Variants in URGCP observed in about 807,000 individuals in gnomAD.
URGCP encodes up-regulator of cell proliferation.
In URGCP, 13 loss-of-function variants were observed where a neutral mutation model predicts 24.6. The observed-to-expected ratio is 0.53, with a 90% CI of 0.34 to 0.84. The LOEUF is 0.84. Among genes scored for constraint, URGCP ranks in the 40% least tolerant of loss-of-function variants. The probability of loss-of-function intolerance (pLI) is 0.01; values close to 1 mark genes in which losing one functional copy is unlikely to be tolerated. For synonymous variants in URGCP, 444 were observed against 487.2 expected (o/e 0.91, Z 1.17); for missense variants, 899 against 1,194.3 (o/e 0.75, Z 3.64).
At chr7:43,907,814 C>G (rs1386581415), upstream of URGCP, among the ~76,000 whole-genome samples, 1 of 152,226 alleles carries the variant, frequency 6.6e-6, no homozygotes, top group Non-Finnish European at 1.5e-5. Flanking sequence ...TGCATGGTCT[C>G]TTTTCCTCCT....
intron 1 of URGCP, among the ~76,000 whole-genome samples, chr7:43,924,707 G>A (rs2095926621): frequency 6.6e-6 from 1 of 152,158 alleles, no homozygotes; most frequent in African/African-American, 2.4e-5. Context: ...ATGCTGTGGT[G>A]ATGGAAACAC....
upstream of URGCP, among the ~76,000 whole-genome samples, chr7:43,911,246 C>T (rs1050139044): frequency 1.3e-5 from 2 of 151,744 alleles, no homozygotes; most frequent in African/African-American, 4.8e-5. Context: ...ACTAAAAATA[C>T]AAAAATTAGC....
At chr7:43,898,003 C>T (rs1418402364) in intron 1 of URGCP, among the ~76,000 whole-genome samples, 2 of 152,102 alleles carry the variant, frequency 1.3e-5, no homozygotes, top group African/African-American at 2.4e-5. Flanking sequence ...CAGACTGGCC[C>T]GAGACCCCTA....
upstream of URGCP, chr7:43,906,903 TCA>T (rs2132717998): frequency 5.0e-6 from 1 of 198,040 alleles, no homozygotes; most frequent in Non-Finnish European, 1.0e-5. Context: ...TTACTGAACT[TCA>T]CACCTTTCTG....
At chr7:43,911,315 T>A (rs564171813), upstream of URGCP, among the ~76,000 whole-genome samples, 1 of 151,952 alleles carries the variant, frequency 6.6e-6, no homozygotes, top group African/African-American at 2.4e-5. Flanking sequence ...GCAGGAGTAT[T>A]GTGTGAACCC....
At chr7:43,899,980 T>A (rs956294952) in intron 1 of URGCP, among the ~76,000 whole-genome samples, 2 of 151,302 alleles carry the variant, frequency 1.3e-5, no homozygotes, top group African/African-American at 4.9e-5. Context: ...ACAAAAAAAA[T>A]TTCTTAAAAT....
At chr7:43,897,401 A>T (rs936615484) in intron 1 of URGCP, among the ~76,000 whole-genome samples, 6 of 152,086 alleles carry the variant, frequency 3.9e-5, no homozygotes, top group Non-Finnish European at 8.8e-5. Context: ...TATGACTACC[A>T]GGGGAAGACT....
chr7:43,889,151 A>C (rs2095866558), intron 1 of URGCP: 1 of 152,238 alleles, frequency 6.6e-6, no homozygotes, highest in African/African-American at 2.4e-5. Context: ...TGCTCACATC[A>C]GAACATGAAA....
intron 3 of URGCP, among the ~76,000 whole-genome samples, chr7:43,885,223 C>A (rs2095860366): frequency 6.6e-6 from 1 of 152,030 alleles, no homozygotes; most frequent in Non-Finnish European, 1.5e-5. Flanking sequence ...GCCTCAACCT[C>A]CCGAGTAGCT....
intron 1 of URGCP, among the ~76,000 whole-genome samples, chr7:43,899,712 C>A (rs768177811): frequency 6.6e-6 from 1 of 152,080 alleles, no homozygotes; most frequent in Non-Finnish European, 1.5e-5. Flanking sequence ...GTATCTGGAA[C>A]TTATTCAATC....
chr7:43,918,772 G>A, intron 1 of URGCP: 2 of 892,362 alleles, frequency 2.2e-6, no homozygotes, highest in Non-Finnish European at 3.8e-6. Flanking sequence ...AAACAGCTGT[G>A]CACTGAGCAT....
chr7:43,916,726 A>G (rs940175083), intron 1 of URGCP, among the ~76,000 whole-genome samples: 2 of 13,660 alleles, frequency 1.5e-4, no homozygotes, highest in Non-Finnish European at 1.4e-4. Context: ...CCCCCCCCAC[A>G]TAACATGGGT....
At chr7:43,883,321 AATATATATATATATAC>A (rs1490114825) in intron 3 of URGCP, among the ~76,000 whole-genome samples, 8 of 134,550 alleles carry the variant, frequency 5.9e-5, no homozygotes, top group African/African-American at 1.7e-4. Context: ...TATATATATA[AATATATATATATATAC>A]ATATATATAT....
At chr7:43,890,927 A>C (rs1314059749) in intron 1 of URGCP, among the ~76,000 whole-genome samples, 1 of 152,272 alleles carries the variant, frequency 6.6e-6, no homozygotes, top group Non-Finnish European at 1.5e-5. Flanking sequence ...ATCTAGCCAC[A>C]GAAGACAATG....
chr7:43,912,359 C>T (rs1357509343), intron 1 of URGCP, among the ~76,000 whole-genome samples: 8 of 151,996 alleles, frequency 5.3e-5, no homozygotes, highest in African/African-American at 1.7e-4. Context: ...ATTAGCCAGG[C>T]GTGGTGGCGC....
chr7:43,898,792 T>TAA (rs1562583105), intron 1 of URGCP, among the ~76,000 whole-genome samples: 29 of 72,654 alleles, frequency 4.0e-4, no homozygotes, highest in East Asian at 1.1e-3. Context: ...TAAATAAATT[T>TAA]ATTTTAATTT....
intron 1 of URGCP, chr7:43,918,560 C>T: frequency 2.7e-6 from 1 of 372,710 alleles, no homozygotes; most frequent in South Asian, 2.9e-5. Context: ...GGATTACAGA[C>T]ATGAGTCACC....
At chr7:43,898,420 GAGA>G (rs2095882799) in intron 1 of URGCP, among the ~76,000 whole-genome samples, 1 of 152,218 alleles carries the variant, frequency 6.6e-6, no homozygotes, top group Admixed American at 6.5e-5. Flanking sequence ...ACACCTATTT[GAGA>G]AGAATTTTAA....
intron 1 of URGCP, among the ~76,000 whole-genome samples, chr7:43,900,234 C>A (rs577747124): frequency 6.6e-6 from 1 of 151,640 alleles, no homozygotes; most frequent in African/African-American, 2.4e-5. Flanking sequence ...GCAGGCGGAT[C>A]GCTTAAGGTC....
Sources: allele counts gnomAD v4.1 joint callset (sites outside exome capture counted in the v4.1 genomes callset), GRCh38; gene constraint gnomAD v4.1.1; transcripts MANE v1.5; gene names NCBI Gene and HGNC (gene_info 2026-07-23, HGNC 2026-07-21).